Variants in CNTN5 observed in about 807,000 individuals in gnomAD.
The protein encoded by CNTN5 is contactin-5.
A neutral mutation model predicts 129.1 loss-of-function variants in CNTN5; 77 were observed. The observed-to-expected ratio is 0.60, with a 90% CI of 0.50 to 0.72. The LOEUF (loss-of-function observed/expected upper bound fraction) is 0.72. Ranked by LOEUF, CNTN5 falls within the 30% of genes least tolerant of loss-of-function variation. The pLI is 0.00. For missense variants in CNTN5, 1,478 were observed against 1,328.8 expected (o/e 1.11, Z -1.75); for synonymous variants, 509 against 465.6 (o/e 1.09, Z -1.20).
intron 18 of CNTN5, among the ~76,000 whole-genome samples, chr11:100,284,533 C>T (rs1950723316): frequency 6.6e-6 from 1 of 152,100 alleles, no homozygotes; most frequent in Non-Finnish European, 1.5e-5. Context: ...AAAAAAATCA[C>T]ATTTGGGGAA....
In CNTN5 at chr11:99,478,606, C is replaced by T. The variant is rs539800257; in HGVS notation, c.-70-77539C>T. Among the ~76,000 whole-genome samples the T allele has an allele frequency of 9.9e-5, 15 of 152,100 alleles. No individual in the cohort carries two copies. In the East Asian group the frequency reaches 2.9e-3, roughly 29 times the overall value. The stretch of plus-strand genomic sequence containing the variant: ...GCTACTACAATTCCTTTTCTCTTTC[C>T]CCCTCTCCAAATAGGCTCTTTCAAC... On this transcript the variant is annotated intron_variant, in intron 2 of 24. Transcript: ENST00000524871.
intron 15 of CNTN5, among the ~76,000 whole-genome samples, chr11:100,210,941 T>C (rs899240022): frequency 1.1e-4 from 16 of 152,204 alleles, no homozygotes; most frequent in Non-Finnish European, 2.2e-4. Context: ...AAGTTTGAAG[T>C]AATATAACTA....
chr11:100,180,558 A>C (rs1948109338), intron 13 of CNTN5, among the ~76,000 whole-genome samples: 1 of 151,976 alleles, frequency 6.6e-6, no homozygotes, highest in Admixed American at 6.6e-5. Context: ...TAATGAACTA[A>C]GGTTAAACAA....
chr11:100,053,908 A>G (rs527553753), intron 9 of CNTN5, among the ~76,000 whole-genome samples: 1 of 151,922 alleles, frequency 6.6e-6, no homozygotes, highest in Admixed American at 6.6e-5. Flanking sequence ...GTGCACAACA[A>G]CTTAAATGAA....
chr11:99,261,711 CCT>C (rs1228601695), intron 1 of CNTN5, among the ~76,000 whole-genome samples: 1 of 151,896 alleles, frequency 6.6e-6, no homozygotes, highest in Non-Finnish European at 1.5e-5. Flanking sequence ...TCATAATTAC[CCT>C]CTTTGAAGAT....
chr11:99,497,997 T>C (rs1040912468), intron 2 of CNTN5, among the ~76,000 whole-genome samples: 24 of 152,122 alleles, frequency 1.6e-4, no homozygotes, highest in African/African-American at 5.3e-4. Context: ...ACCAGAGATA[T>C]CATTTTCTAC....
intron 3 of CNTN5, among the ~76,000 whole-genome samples, chr11:99,732,207 G>A (rs542279484): frequency 9.2e-5 from 14 of 151,410 alleles, no homozygotes; most frequent in Non-Finnish European, 1.5e-4. Context: ...AGGAGATAGT[G>A]AATAATGAAA....
chr11:99,983,713 T>C (rs980702608), intron 8 of CNTN5, among the ~76,000 whole-genome samples: 1 of 152,228 alleles, frequency 6.6e-6, no homozygotes, highest in East Asian at 1.9e-4. Flanking sequence ...ATAGATATGA[T>C]TTTGGAAAAG....
At chr11:99,537,937 T>C (rs118021756) in intron 2 of CNTN5, among the ~76,000 whole-genome samples, 2,080 of 152,308 alleles carry the variant, frequency 0.014, 17 homozygotes, top group Admixed American at 0.02. Flanking sequence ...AAATTAAATG[T>C]CAAATACAAT....
chr11:99,049,456 A>G (rs1460998824), intron 1 of CNTN5: 1 of 152,184 alleles, frequency 6.6e-6, no homozygotes, highest in African/African-American at 2.4e-5. Context: ...TACTCCAGAC[A>G]TATAACAAAA....
intron 2 of CNTN5, among the ~76,000 whole-genome samples, chr11:99,412,855 A>T (rs1413162760): frequency 6.6e-6 from 1 of 152,172 alleles, no homozygotes; most frequent in Non-Finnish European, 1.5e-5. Context: ...TGAATTAGTA[A>T]GTTTAAATTT....
chr11:99,435,542 A>G (rs1943565579), intron 2 of CNTN5, among the ~76,000 whole-genome samples: 1 of 152,172 alleles, frequency 6.6e-6, no homozygotes, highest in Non-Finnish European at 1.5e-5. Flanking sequence ...CTCTAACCAC[A>G]TCTGGTTACA....
In CNTN5 at chr11:99,918,507, C is replaced by T. The variant is rs549166273; in HGVS notation, c.673+2358C>T. On this transcript the variant is annotated intron_variant, in intron 7 of 24. Coordinates refer to ENST00000524871, the MANE Select transcript of CNTN5 (RefSeq NM_014361.4). ...GTTTTATGTGTCTTCCCCAGTCTCA[C>T]TCTCAGGTGATAAACATGCATCCTA... 2.6e-5 allele frequency among the ~76,000 whole-genome samples: 4 copies of T among 152,252 alleles called. No homozygotes were observed. The East Asian group carries it at 7.7e-4, about 29-fold the overall frequency.
intron 9 of CNTN5, among the ~76,000 whole-genome samples, chr11:100,018,707 G>T (rs117440816): frequency 6.6e-6 from 1 of 151,944 alleles, no homozygotes; most frequent in Non-Finnish European, 1.5e-5. Flanking sequence ...ATGGCTAAAC[G>T]ATATGGTAGG....
intron 2 of CNTN5, among the ~76,000 whole-genome samples, chr11:99,503,458 A>G (rs1946499964): frequency 1.3e-5 from 2 of 152,196 alleles, no homozygotes; most frequent in Non-Finnish European, 2.9e-5. Context: ...TCAACCACCT[A>G]AGAGCTATGC....
intron 20 of CNTN5, among the ~76,000 whole-genome samples, chr11:100,302,322 T>TA (rs1951241858): frequency 6.6e-6 from 1 of 151,630 alleles, no homozygotes; most frequent in South Asian, 2.1e-4. Flanking sequence ...TGGATGTTCA[T>TA]ACAGCTTCAC....
At chr11:99,398,759 A>G (rs536642098) in intron 2 of CNTN5, among the ~76,000 whole-genome samples, 1 of 151,968 alleles carries the variant, frequency 6.6e-6, no homozygotes, top group African/African-American at 2.4e-5. Context: ...TACTTTAAAG[A>G]CCATCTTTGG....
At chr11:99,861,101 G>A (rs996323759) in intron 6 of CNTN5, among the ~76,000 whole-genome samples, 8 of 151,716 alleles carry the variant, frequency 5.3e-5, no homozygotes, top group Non-Finnish European at 7.4e-5. Flanking sequence ...GACTACAGGC[G>A]CCAACCACCA....
At chr11:99,887,256 G>C (rs1350016984) in intron 6 of CNTN5, among the ~76,000 whole-genome samples, 1 of 152,146 alleles carries the variant, frequency 6.6e-6, no homozygotes, top group Non-Finnish European at 1.5e-5. Context: ...CCAATGATGT[G>C]GTCTCTGCTA....
Sources: gnomAD v4.1 joint callset for allele counts (sites outside exome capture counted in the v4.1 genomes callset) on GRCh38, gnomAD v4.1.1 for gene constraint, MANE v1.5 for transcripts, NCBI Gene and HGNC (gene_info 2026-07-23, HGNC 2026-07-21) for gene names.